Variants in TPCN1 observed in about 807,000 individuals in gnomAD.
TPCN1 encodes two pore segment channel 1, also known as two pore channel protein 1.
Under a neutral mutation model 108.8 loss-of-function variants are expected in TPCN1, and 52 were observed. That is an observed-to-expected ratio of 0.48 (90% CI 0.38 to 0.60). The LOEUF is 0.60. Ranked by LOEUF, TPCN1 falls within the 20% of genes least tolerant of loss-of-function variation. The pLI is 0.00. For missense variants in TPCN1, 806 were observed against 1,072.8 expected (o/e 0.75, Z 3.47); for synonymous variants, 446 against 433.7 (o/e 1.03, Z -0.35).
At position 113,288,397 on chromosome 12, in the gene TPCN1, C is replaced by G. The variant is rs1441183925; in HGVS notation, c.1706+163C>G. On this transcript the variant is annotated intron_variant, in intron 20 of 27. Coordinates refer to ENST00000335509, the MANE Select transcript of TPCN1 (RefSeq NM_017901.6). The surrounding 1 kb of genome is among the most constrained non-coding windows in gnomAD (Gnocchi z 4.8). The stretch of plus-strand genomic sequence containing the variant: ...GCCTGGAATCTTGACCACCACAGGT[C>G]TCCTGGGCACCATTTTTCTCCACTG... 6.7e-7 allele frequency: 1 copy of G among 1,488,094 alleles called. No individual in the cohort carries two copies. Among genetic ancestry groups the G allele is most frequent in the South Asian group, 1.3e-5 (1 of 76,758 alleles). The allele number at this position is 1,488,094 out of a possible 1,614,324, so 92.2% of individuals were successfully genotyped here. A position where few individuals can be genotyped will look rare whatever the true frequency, so the allele number is the denominator to read the frequency against.
At chr12:113,242,849 C>T (rs1199260649) in intron 2 of TPCN1, among the ~76,000 whole-genome samples, 1 of 152,170 alleles carries the variant, frequency 6.6e-6, no homozygotes, top group Non-Finnish European at 1.5e-5. Flanking sequence ...TGCCACTGGC[C>T]ACCAGCCCCC....
At chr12:113,279,797 G>C (rs1955828525) in intron 14 of TPCN1, among the ~76,000 whole-genome samples, 1 of 152,108 alleles carries the variant, frequency 6.6e-6, no homozygotes, top group African/African-American at 2.4e-5. Context: ...TTGAAAATTT[G>C]AAATTGGGTG....
At chr12:113,226,628 G>A in intron 1 of TPCN1, 100 bp from the exon 2 acceptor site, 1 of 995,162 alleles carries the variant, frequency 1.0e-6, no homozygotes, top group Non-Finnish European at 1.5e-6. Context: ...TTATTCACGA[G>A]GTTGTGCAAC....
At chr12:113,247,402 C>T (rs551537880) in intron 2 of TPCN1, among the ~76,000 whole-genome samples, 20 of 152,356 alleles carry the variant, frequency 1.3e-4, no homozygotes, top group African/African-American at 4.1e-4. Context: ...CCTGCCTTCC[C>T]GCTTTCTGGG....
chr12:113,296,142 G>C lies in TPCN1; in HGVS notation c.*66G>C, dbSNP rs1284523599. On this transcript the variant is annotated 3_prime_UTR_variant, in exon 28 of 28. Coordinates refer to ENST00000335509, the MANE Select transcript of TPCN1 (RefSeq NM_017901.6). ...TAGTATTACTCTACTGCGATGTACG[G>C]AACTGCGGTGTGTGTACACATACTC... The C allele has an allele frequency of 1.4e-5, 22 of 1,580,018 alleles. No homozygotes were observed. The East Asian group carries it at 4.5e-4, about 32-fold the overall frequency.
rs1405101672 is a variant in TPCN1, at chr12:113,289,690, A to G, written c.1797-438A>G. 6.6e-6 allele frequency among the ~76,000 whole-genome samples: 1 copy of G among 152,262 alleles called. No individual in the cohort carries two copies. The highest frequency in any genetic ancestry group is 1.5e-5 in the Non-Finnish European group (1 of 68,050). Reference sequence around the variant, plus strand: ...AATAAGAGCTCCTCAAAACAGGGCCAACCTTTTCAAATACTTGCTCAGGCC... The same window carrying G: ...AATAAGAGCTCCTCAAAACAGGGCCGACCTTTTCAAATACTTGCTCAGGCC... On this transcript the variant is annotated intron_variant, in intron 21 of 27. Transcript: ENST00000335509. The surrounding 1 kb of genome is among the most constrained non-coding windows in gnomAD (Gnocchi z 4.1).
intron 23 of TPCN1, chr12:113,291,406 G>A (rs1314899526): frequency 9.9e-6 from 6 of 608,310 alleles, no homozygotes; most frequent in South Asian, 5.9e-5. Context: ...GGATCCAGTC[G>A]TCCAGGGGAG....
chr12:113,279,060 C>T (rs1339107860), intron 14 of TPCN1, among the ~76,000 whole-genome samples: 2 of 151,836 alleles, frequency 1.3e-5, no homozygotes, highest in Non-Finnish European at 2.9e-5. Context: ...AAATGGGTAA[C>T]TTAACCCAAC....
chr12:113,290,769 C>T (rs928416048), intron 22 of TPCN1, among the ~76,000 whole-genome samples, 183 bp from the exon 23 acceptor site: 3 of 152,220 alleles, frequency 2.0e-5, no homozygotes, highest in Non-Finnish European at 4.4e-5. Flanking sequence ...GCCATGATGT[C>T]CTGTGGAGCC....
In TPCN1 at chr12:113,297,798, C is replaced by T. The variant is rs757789522; in HGVS notation, c.*1722C>T. 1 of 152,322 alleles carries T rather than the reference C, an allele frequency of 6.6e-6. No individual in the cohort carries two copies. The highest frequency in any genetic ancestry group is 1.5e-5 in the Non-Finnish European group (1 of 68,118). The allele number at this position is 152,322 out of a possible 1,614,324, so 9.4% of individuals were successfully genotyped here. A position where few individuals can be genotyped will look rare whatever the true frequency, so the allele number is the denominator to read the frequency against. On this transcript the variant is annotated 3_prime_UTR_variant, in exon 28 of 28. Transcript: ENST00000335509. This position sits in a 1 kb window ranked among gnomAD's most constrained non-coding sequence, Gnocchi z 4.4. ...TCGAGCCCCAGGCCAGAACCCCCTC[C>T]CTTTCACAGAGAGGGAACTTTATTG...
Position 113,267,856 on chromosome 12 carries a change from T to C in TPCN1, c.428T>C (p.Leu143Pro). The C allele has an allele frequency of 3.1e-6, 5 of 1,613,788 alleles. No homozygotes were observed. Among genetic ancestry groups the C allele is most frequent in the Non-Finnish European group, 4.2e-6 (5 of 1,179,696 alleles). The change falls in exon 5 of 28, where the codon CTG becomes CCG. Residue 143 changes from leucine to proline, a missense_variant. Physicochemically the swap from Leu to Pro is moderately conservative, Grantham distance 98. Coordinates refer to ENST00000335509, the MANE Select transcript of TPCN1 (RefSeq NM_017901.6). ...CTCTGGTCTCAGGTCCACGCCACCC[T>C]GGAGCTGTTTGCCCTGATGGTGGTA... ...LRLGIYVHAT[L>P]ELFALMVVVF...
chr12:113,247,287 C>T lies in TPCN1; in HGVS notation c.113-13081C>T, dbSNP rs550599681. 2.6e-5 allele frequency among the ~76,000 whole-genome samples: 4 copies of T among 152,280 alleles called. No homozygotes were observed. In the South Asian group the frequency reaches 8.3e-4, roughly 32 times the overall value. ...CCCAGCAAGCAGGGGCTCATTCTCC[C>T]AGAAACCACTCCATCTGCACTCACA... On this transcript the variant is annotated intron_variant, in intron 2 of 27. Transcript: ENST00000335509.
rs1260252632 is a variant in TPCN1 at position 113,289,504 on chromosome 12, A to G, written c.1797-624A>G. ...CAGTGGGTCCCAGACTTTAGAGCCC[A>G]TTGCAGTCACCAGGGAGCTTAGTGC... On this transcript the variant is annotated intron_variant, in intron 21 of 27. Transcript: ENST00000335509. The surrounding 1 kb of genome is among the most constrained non-coding windows in gnomAD (Gnocchi z 4.1). 1.3e-5 allele frequency among the ~76,000 whole-genome samples: 2 copies of G among 152,190 alleles called. No individual in the cohort carries two copies. The highest frequency in any genetic ancestry group is 1.9e-4 in the East Asian group (1 of 5,196).
At chr12:113,259,562 CT>C (rs1345227361) in intron 2 of TPCN1, among the ~76,000 whole-genome samples, 1 of 152,220 alleles carries the variant, frequency 6.6e-6, no homozygotes, top group Non-Finnish European at 1.5e-5. Context: ...GTTTTGTTGT[CT>C]GCTGACTTCC....
rs1291911690 is a variant in TPCN1, at chr12:113,279,375, ATATATATATATATATATTTTT to A, written c.1297+542_1297+562del. ...TGTGTGTGTGTATATATATATATATATATATATATATATATATTTTTTTTTTTTTTTTTTTTTTTTTTGAGG... is the reference window on the plus strand; with the variant it reads ...TGTGTGTGTGTATATATATATATATATTTTTTTTTTTTTTTTTTTTTGAGG... On this transcript the variant is annotated intron_variant, in intron 14 of 27. Coordinates refer to ENST00000335509, the MANE Select transcript of TPCN1 (RefSeq NM_017901.6). 2.5e-4 allele frequency among the ~76,000 whole-genome samples: 6 copies of A among 24,418 alleles called. No homozygotes were observed. In the South Asian group the frequency reaches 6.2e-3, roughly 25 times the overall value. 16.0% of individuals were successfully genotyped at this position (24,418 alleles called of 152,430 possible).
In TPCN1 at chr12:113,268,561, C is replaced by T. The variant is rs955442829; in HGVS notation, c.529-181C>T. Among the ~76,000 whole-genome samples the T allele has an allele frequency of 6.6e-6, 1 of 152,208 alleles. No individual in the cohort carries two copies. The highest frequency in any genetic ancestry group is 1.5e-5 in the Non-Finnish European group (1 of 68,034). ...TTCTGGTGCCACACACCTGTGCCAGCACCTGGAGTTTTTTTTCTTCTGGGG... is the reference window on the plus strand; with the variant it reads ...TTCTGGTGCCACACACCTGTGCCAGTACCTGGAGTTTTTTTTCTTCTGGGG... On this transcript the variant is annotated intron_variant, in intron 5 of 27. Transcript: ENST00000335509. The surrounding 1 kb of genome is among the most constrained non-coding windows in gnomAD (Gnocchi z 7.3).
At position 113,272,328 on chromosome 12, in the gene TPCN1, C is replaced by G. The variant is rs1173631363; in HGVS notation, c.749-330C>G. On this transcript the variant is annotated intron_variant, in intron 7 of 27. Transcript: ENST00000335509. The surrounding 1 kb of genome is among the most constrained non-coding windows in gnomAD (Gnocchi z 4.1). ...CGAAACAGCAGCCTGGATTCCAGAT[C>G]CAGCCTACAGATGGGTTTTGTTTGG... Among the ~76,000 whole-genome samples, 1 of 152,230 alleles carries G rather than the reference C, an allele frequency of 6.6e-6. No homozygotes were observed. The highest frequency in any genetic ancestry group is 1.9e-4 in the East Asian group (1 of 5,206).
At chr12:113,270,977 G>A (rs921216257) in intron 7 of TPCN1, among the ~76,000 whole-genome samples, 3 of 152,056 alleles carry the variant, frequency 2.0e-5, no homozygotes, top group African/African-American at 4.8e-5. Flanking sequence ...TTAAAAATAC[G>A]CCAGGCATGG....
chr12:113,249,846 C>T (rs1158669881), intron 2 of TPCN1: 1 of 152,264 alleles, frequency 6.6e-6, no homozygotes, highest in Non-Finnish European at 1.5e-5. Flanking sequence ...TGGTTCCAAG[C>T]ACAGACCTCA....
Sources: allele counts gnomAD v4.1 joint callset (sites outside exome capture counted in the v4.1 genomes callset), GRCh38; gene constraint gnomAD v4.1.1; non-coding constraint Gnocchi (gnomAD v3.1); transcripts MANE v1.5; gene names NCBI Gene and HGNC (gene_info 2026-07-23, HGNC 2026-07-21).